The following TENM3 variants were observed in gnomAD, a reference collection of about 807,000 sequenced individuals.
TENM3 encodes the protein teneurin-3.
A neutral mutation model predicts 255.1 loss-of-function variants in TENM3; 63 were observed. The ratio of observed to expected loss-of-function variants is 0.25; its 90% CI spans 0.20 to 0.30. The LOEUF is 0.30. Among genes scored for constraint, TENM3 ranks in the 10% least tolerant of loss-of-function variants. The pLI is 1.00. For synonymous variants in TENM3, 1,306 were observed against 1,322.3 expected, an observed-to-expected ratio of 0.99 and a Z score of 0.27; for missense variants, 2,929 against 3,461.1, an observed-to-expected ratio of 0.85 and a Z score of 3.86.
chr4:181,622,964 C>T, the TENM3 span, among the ~76,000 whole-genome samples: 160 of 152,238 alleles, frequency 1.1e-3, no homozygotes, highest in Non-Finnish European at 1.8e-3. Flanking sequence ...GTTACCCTTC[C>T]GGTGGCATTA....
At chr4:182,455,624 T>G (rs1773815458) in intron 3 of TENM3, among the ~76,000 whole-genome samples, 1 of 146,630 alleles carries the variant, frequency 6.8e-6, no homozygotes, top group Admixed American at 7.0e-5. Context: ...TGCAGTGGCA[T>G]GATCTCGCCT....
chr4:182,530,273 T>G (rs1739635482), intron 3 of TENM3, among the ~76,000 whole-genome samples: 1 of 152,204 alleles, frequency 6.6e-6, no homozygotes, highest in Admixed American at 6.5e-5. Flanking sequence ...CGCCACACAT[T>G]TTCAACAGGC....
rs777899294 is a variant in TENM3, at chr4:182,729,148, A to G, written c.2552A>G (p.His851Arg). ...ISFLIGSDST[H>R]VIPGESPFNK... ...TTCCTTATAGGATCTGATAGCACCCATGTTATACCTGGAGAAAGTCCTTTC... is the reference window on the plus strand; with the variant it reads ...TTCCTTATAGGATCTGATAGCACCCGTGTTATACCTGGAGAAAGTCCTTTC... The change falls in exon 14 of 28, where the codon CAT becomes CGT. Residue 851 changes from histidine to arginine, a missense_variant. Around this residue, in one of 6 missense-constraint regions of TENM3, gnomAD observed 1,608 missense variants for 1,884.4 expected, o/e 0.85. Coordinates refer to ENST00000511685, the MANE Select transcript of TENM3 (RefSeq NM_001080477.4). The G allele has an allele frequency of 1.2e-6, 2 of 1,613,940 alleles. No homozygotes were observed. The highest frequency in any genetic ancestry group is 1.7e-6 in the Non-Finnish European group (2 of 1,179,864).
chr4:182,608,530 C>T (rs1199040822), intron 4 of TENM3, among the ~76,000 whole-genome samples: 3 of 152,190 alleles, frequency 2.0e-5, no homozygotes, highest in Admixed American at 6.5e-5. Flanking sequence ...GGAGAGCTCA[C>T]GTGCGCTGGG....
the TENM3 span, among the ~76,000 whole-genome samples, chr4:181,564,385 C>T: frequency 6.6e-6 from 1 of 152,052 alleles, no homozygotes; most frequent in Non-Finnish European, 1.5e-5. Context: ...GATAATGAGG[C>T]ACAGAGAGCT....
chr4:182,483,776 A>T (rs1018015627), intron 3 of TENM3, among the ~76,000 whole-genome samples: 1 of 152,110 alleles, frequency 6.6e-6, no homozygotes, highest in Non-Finnish European at 1.5e-5. Flanking sequence ...AGGCCTCAAG[A>T]GACTTAGAAT....
chr4:182,043,512 T>C, the TENM3 span, among the ~76,000 whole-genome samples: 1 of 152,210 alleles, frequency 6.6e-6, no homozygotes, highest in Non-Finnish European at 1.5e-5. Context: ...GCTCTGCTGA[T>C]ATTTTCCTCA....
intron 3 of TENM3, among the ~76,000 whole-genome samples, chr4:182,371,894 C>A (rs886140944): frequency 6.6e-6 from 1 of 150,738 alleles, no homozygotes; most frequent in Admixed American, 6.6e-5. Flanking sequence ...ATTTCCCACA[C>A]CCTAAAAGTC....
At chr4:181,894,053 G>C in the TENM3 span, among the ~76,000 whole-genome samples, 3 of 151,796 alleles carry the variant, frequency 2.0e-5, no homozygotes, top group Non-Finnish European at 4.4e-5. Flanking sequence ...ATGAGTTCTA[G>C]CAGGTAAGAA....
At chr4:182,753,351 T>C (rs977857336) in intron 20 of TENM3, 99 bp from the exon 21 acceptor site, 9 of 993,442 alleles carry the variant, frequency 9.1e-6, no homozygotes, top group African/African-American at 1.6e-5. Flanking sequence ...ACCCGTGTTG[T>C]CACTGGGGTT....
chr4:182,667,884 C>A (rs539195032), intron 6 of TENM3, among the ~76,000 whole-genome samples: 3 of 151,662 alleles, frequency 2.0e-5, no homozygotes, highest in African/African-American at 4.9e-5. Flanking sequence ...ACCAATATGG[C>A]GCATGTATAC....
intron 5 of TENM3, among the ~76,000 whole-genome samples, chr4:182,635,639 A>G (rs1751779103): frequency 6.6e-6 from 1 of 152,230 alleles, no homozygotes; most frequent in Non-Finnish European, 1.5e-5. Flanking sequence ...TAAAAAATAC[A>G]TATGTAGTTA....
At chr4:182,666,395 G>T (rs768386517) in intron 6 of TENM3, among the ~76,000 whole-genome samples, 2 of 152,166 alleles carry the variant, frequency 1.3e-5, no homozygotes, top group Non-Finnish European at 2.9e-5. Context: ...CATGAAAAGA[G>T]TCAATCAATG....
At chr4:182,671,013 G>T (rs541620285) in intron 6 of TENM3, among the ~76,000 whole-genome samples, 22 of 152,210 alleles carry the variant, frequency 1.4e-4, no homozygotes, top group Middle Eastern at 3.4e-3. Context: ...GAAATCACTA[G>T]CATAAAGTAT....
chr4:182,009,937 G>GT, the TENM3 span, among the ~76,000 whole-genome samples: 3 of 16,418 alleles, frequency 1.8e-4, no homozygotes, highest in Non-Finnish European at 7.2e-4. Context: ...TCCCTTGGCT[G>GT]GGGGGAGGGG....
chr4:182,674,972 G>C (rs1755548592), intron 7 of TENM3, among the ~76,000 whole-genome samples: 1 of 152,082 alleles, frequency 6.6e-6, no homozygotes, highest in African/African-American at 2.4e-5. Context: ...CGCCTCCCGG[G>C]TTCAAGTGAT....
In TENM3 at chr4:182,324,118, G is replaced by A. The variant is rs747587160; in HGVS notation, c.98G>A (p.Cys33Tyr). ...YTNSSADNEE[C>Y]RVPTQKSYSS... ...AATTCCTCCGCAGACAATGAGGAGT[G>A]CCGGGTACCCACACAGAAGTCCTAC... The change falls in exon 2 of 28, where the codon TGC becomes TAC. Residue 33 changes from cysteine to tyrosine, a missense_variant. By Grantham distance (194) the Cys-to-Tyr change is radical. Transcript: ENST00000511685. 70 of 1,613,886 alleles carry A rather than the reference G, an allele frequency of 4.3e-5. No homozygotes were observed. The highest frequency in any genetic ancestry group is 5.7e-5 in the Non-Finnish European group (67 of 1,179,888).
At chr4:182,510,335 C>T (rs775581358) in intron 3 of TENM3, among the ~76,000 whole-genome samples, 1 of 152,114 alleles carries the variant, frequency 6.6e-6, no homozygotes, top group Non-Finnish European at 1.5e-5. Flanking sequence ...TCGCCTCTAG[C>T]CCTCTAGCCT....
At chr4:182,401,501 C>T (rs1387621581) in intron 3 of TENM3, among the ~76,000 whole-genome samples, 1 of 152,140 alleles carries the variant, frequency 6.6e-6, no homozygotes, top group African/African-American at 2.4e-5. Context: ...GATATAAGGC[C>T]AAACTTTGTG....
Sources: gnomAD v4.1 joint callset for allele counts (sites outside exome capture counted in the v4.1 genomes callset) on GRCh38, gnomAD v4.1.1 for gene constraint, gnomAD v4.1.1 regional missense constraint, MANE v1.5 for transcripts, NCBI Gene and HGNC (gene_info 2026-07-23, HGNC 2026-07-21) for gene names.